ADGRB3: variants seen among roughly 807,000 people sequenced by gnomAD.
The protein encoded by ADGRB3 is adhesion G protein-coupled receptor B3.
Under a neutral mutation model 193.4 loss-of-function variants are expected in ADGRB3, and 37 were observed. That is an observed-to-expected ratio of 0.19 (90% confidence interval 0.15 to 0.25). The LOEUF (loss-of-function observed/expected upper bound fraction) is 0.25. Among genes scored for constraint, ADGRB3 ranks in the 10% least tolerant of loss-of-function variants. The pLI is 1.00. For synonymous variants in ADGRB3, 690 were observed against 644.2 expected (o/e 1.07, Z -1.08); for missense variants, 1,637 against 1,852.9 (o/e 0.88, Z 2.14).
rs371010437 is a variant in ADGRB3 at position 68,749,192 on chromosome 6, G to A, written c.757+109760G>A. On this transcript the variant is annotated intron_variant, in intron 3 of 31. Coordinates refer to ENST00000370598, the MANE Select transcript of ADGRB3 (RefSeq NM_001704.3). ...CTGTGGTCCTGGGAATTAACATTAG[G>A]CTCTTTGCTACTTATGCAAATTTCT... 7.2e-5 allele frequency among the ~76,000 whole-genome samples: 11 copies of A among 152,272 alleles called. No individual in the cohort carries two copies. In the East Asian group the frequency reaches 9.7e-4, roughly 13 times the overall value.
chr6:68,799,761 C>T (rs1767277547), intron 3 of ADGRB3, among the ~76,000 whole-genome samples: 1 of 152,028 alleles, frequency 6.6e-6, no homozygotes, highest in African/African-American at 2.4e-5. Flanking sequence ...ATAAATGATG[C>T]AGATGTTCAT....
chr6:68,753,061 A>G (rs924678528), intron 3 of ADGRB3, among the ~76,000 whole-genome samples: 1 of 152,152 alleles, frequency 6.6e-6, no homozygotes, highest in African/African-American at 2.4e-5. Context: ...AATATAGGAC[A>G]CCACATCATC....
At chr6:68,800,988 C>T (rs1490895124) in intron 3 of ADGRB3, among the ~76,000 whole-genome samples, 2 of 152,090 alleles carry the variant, frequency 1.3e-5, no homozygotes, top group Non-Finnish European at 2.9e-5. Context: ...AATATAAAAA[C>T]TTTATTCTAA....
chr6:68,832,613 A>G (rs1767976666), intron 3 of ADGRB3, among the ~76,000 whole-genome samples: 1 of 152,092 alleles, frequency 6.6e-6, no homozygotes, highest in Admixed American at 6.6e-5. Flanking sequence ...TAATTTTTTC[A>G]TTGCATCATT....
chr6:68,964,874 A>G (rs1449414528), intron 8 of ADGRB3, among the ~76,000 whole-genome samples: 1 of 152,190 alleles, frequency 6.6e-6, no homozygotes. Flanking sequence ...TGCAAAATGT[A>G]TAAATAACTT....
chr6:69,248,877 G>T (rs1766553280), intron 20 of ADGRB3, among the ~76,000 whole-genome samples: 1 of 152,210 alleles, frequency 6.6e-6, no homozygotes, highest in Admixed American at 6.5e-5. Flanking sequence ...CCAAGGGTTA[G>T]CCTGTGTAGC....
intron 30 of ADGRB3, among the ~76,000 whole-genome samples, chr6:69,376,505 G>A (rs1357062023): frequency 6.6e-6 from 1 of 151,352 alleles, no homozygotes; most frequent in Non-Finnish European, 1.5e-5. Context: ...ATGGTGGACA[G>A]AGGACAAAAG....
intron 17 of ADGRB3, among the ~76,000 whole-genome samples, chr6:69,137,075 TTA>T (rs200730826): frequency 0.4 from 47,356 of 119,390 alleles, 9,098 homozygotes; most frequent in East Asian, 0.8. Context: ...TTTTTTTTTT[TTA>T]ATGGTAAGAT....
chr6:69,002,393 A>G (rs557808601), intron 11 of ADGRB3, among the ~76,000 whole-genome samples: 1 of 152,008 alleles, frequency 6.6e-6, no homozygotes, highest in South Asian at 2.1e-4. Context: ...TAATTTTTGT[A>G]TTTTTAATAG....
chr6:68,781,358 A>G (rs1381190197), intron 3 of ADGRB3, among the ~76,000 whole-genome samples: 1 of 152,150 alleles, frequency 6.6e-6, no homozygotes, highest in Non-Finnish European at 1.5e-5. Flanking sequence ...GCTACTTTAG[A>G]CCAGTGAAGC....
At chr6:69,216,726 A>G (rs1307101927) in intron 17 of ADGRB3, among the ~76,000 whole-genome samples, 1 of 152,202 alleles carries the variant, frequency 6.6e-6, no homozygotes, top group African/African-American at 2.4e-5. Context: ...ATCGGCTTGG[A>G]CAGAATAACC....
At chr6:69,353,864 G>C (rs1769280029) in intron 26 of ADGRB3, among the ~76,000 whole-genome samples, 1 of 152,144 alleles carries the variant, frequency 6.6e-6, no homozygotes, top group Admixed American at 6.5e-5. Context: ...AGAAGTTCGA[G>C]ACCAGCCTGA....
chr6:68,799,341 C>T (rs1767270551), intron 3 of ADGRB3, among the ~76,000 whole-genome samples: 3 of 151,924 alleles, frequency 2.0e-5, no homozygotes, highest in Admixed American at 2.0e-4. Context: ...ATATTTCTTC[C>T]CAGTTTCATA....
At chr6:68,964,023 G>A (rs1024833790) in intron 8 of ADGRB3, among the ~76,000 whole-genome samples, 1 of 151,968 alleles carries the variant, frequency 6.6e-6, no homozygotes, top group African/African-American at 2.4e-5. Context: ...TTATATAAAA[G>A]CATATGAATA....
At chr6:68,850,293 A>C (rs1160043106) in intron 3 of ADGRB3, among the ~76,000 whole-genome samples, 1 of 151,890 alleles carries the variant, frequency 6.6e-6, no homozygotes, top group Non-Finnish European at 1.5e-5. Flanking sequence ...AGGGCACCTG[A>C]GTATAGTTAT....
chr6:69,294,175 T>C (rs1386655158), intron 20 of ADGRB3, among the ~76,000 whole-genome samples: 2 of 143,262 alleles, frequency 1.4e-5, no homozygotes, highest in East Asian at 1.9e-4. Context: ...ATATAGCTTG[T>C]TTAATTTTTT....
intron 3 of ADGRB3, among the ~76,000 whole-genome samples, chr6:68,908,219 A>T (rs1198086597): frequency 3.3e-5 from 5 of 152,030 alleles, no homozygotes; most frequent in Non-Finnish European, 1.5e-5. Context: ...TATTGGCATT[A>T]TTGATCGATG....
intron 13 of ADGRB3, among the ~76,000 whole-genome samples, chr6:69,044,464 A>G (rs958182526): frequency 6.6e-6 from 1 of 152,194 alleles, no homozygotes; most frequent in Non-Finnish European, 1.5e-5. Context: ...TCCTGCTTTG[A>G]TGTATCAAAG....
chr6:68,833,260 A>C (rs534947862), intron 3 of ADGRB3, among the ~76,000 whole-genome samples: 2 of 152,148 alleles, frequency 1.3e-5, no homozygotes, highest in African/African-American at 4.8e-5. Context: ...TTCATCCAAG[A>C]TAGAACAAGC....
Sources: gnomAD v4.1 joint callset for allele counts (sites outside exome capture counted in the v4.1 genomes callset) on GRCh38, gnomAD v4.1.1 for gene constraint, MANE v1.5 for transcripts, NCBI Gene and HGNC (gene_info 2026-07-23, HGNC 2026-07-21) for gene names.